The following C6orf89 variants were observed in gnomAD, a reference collection of about 807,000 sequenced individuals.
C6orf89 encodes chromosome 6 open reading frame 89.
A neutral mutation model predicts 40.7 loss-of-function variants in C6orf89; 29 were observed. The ratio of observed to expected loss-of-function variants is 0.71; its 90% confidence interval spans 0.53 to 0.97. The LOEUF is 0.97. C6orf89 is among the 50% of genes least tolerant of loss of function. C6orf89 has a pLI of 0.00. For synonymous variants in C6orf89, 165 were observed against 152.2 expected, an observed-to-expected ratio of 1.08 and a Z score of -0.62; for missense variants, 392 against 429.1, an observed-to-expected ratio of 0.91 and a Z score of 0.76.
upstream of C6orf89, chr6:36,885,920 G>C: frequency 9.5e-7 from 1 of 1,057,878 alleles, no homozygotes; most frequent in South Asian, 3.0e-5. Context: ...CCCAGGAGTG[G>C]GGGGTTGCTT....
Position 36,885,990 on chromosome 6 carries a change from C to G in C6orf89, c.-158C>G. ...TCCTCCTCGCCCGGCGGCAGCTGTC[C>G]CCGAGGCGGGAGGAGCCCGAGGGGC... is the stretch of plus-strand genomic sequence containing the variant. On this transcript the variant is annotated 5_prime_UTR_variant, in exon 1 of 9. Transcript: ENST00000480824. 2 of 1,196,008 alleles carry G rather than the reference C, an allele frequency of 1.7e-6. No homozygotes were observed. The highest frequency in any genetic ancestry group is 3.4e-5 in the East Asian group (1 of 29,520). 74.1% of individuals were successfully genotyped at this position (1,196,008 alleles called of 1,614,324 possible). A position where few individuals can be genotyped will look rare whatever the true frequency, so the allele number is the denominator to read the frequency against.
chr6:36,920,836 GT>G (rs1053151764), intron 8 of C6orf89, among the ~76,000 whole-genome samples: 1 of 152,220 alleles, frequency 6.6e-6, no homozygotes, highest in Admixed American at 6.5e-5. Context: ...GGAGCATGTG[GT>G]TGTGCTTGAA....
intron 2 of C6orf89, among the ~76,000 whole-genome samples, chr6:36,880,201 T>G (rs1176287255): frequency 6.6e-6 from 1 of 152,188 alleles, no homozygotes; most frequent in Non-Finnish European, 1.5e-5. Flanking sequence ...TAAAAGGACT[T>G]TATTAAAGAG....
rs78606960 is a variant in C6orf89 at position 36,872,226 on chromosome 6, A to G, written c.-628+259A>G. Among the ~76,000 whole-genome samples, 535 of 152,070 alleles carry G rather than the reference A, an allele frequency of 3.5e-3. 31 individuals are homozygous for G. The East Asian group carries it at 0.095, about 27-fold the overall frequency. On this transcript the variant is annotated intron_variant, in intron 1 of 9. Transcript: ENST00000359359. ...CCTAAATTAGGAAAAAAATTCTTAC[A>G]CTTAATTTTTAATTTTTTAAAAAAA...
intron 2 of C6orf89, among the ~76,000 whole-genome samples, chr6:36,897,680 A>T (rs1046900517): frequency 3.3e-5 from 5 of 152,234 alleles, no homozygotes; most frequent in Non-Finnish European, 7.3e-5. Context: ...GGTGATTCTA[A>T]TGTGCAAGCC....
chr6:36,901,659 T>A (rs918738757), intron 3 of C6orf89, among the ~76,000 whole-genome samples: 2 of 143,314 alleles, frequency 1.4e-5, no homozygotes, highest in Admixed American at 7.1e-5. Context: ...TATTATTATT[T>A]TTATTTATTT....
chr6:36,891,447 A>T (rs183805564), intron 1 of C6orf89, among the ~76,000 whole-genome samples: 15 of 152,348 alleles, frequency 9.8e-5, no homozygotes, highest in African/African-American at 3.6e-4. Context: ...TAGTGCCACA[A>T]TAAACATATG....
At chr6:36,897,574 T>C (rs999851587) in intron 2 of C6orf89, among the ~76,000 whole-genome samples, 2 of 152,214 alleles carry the variant, frequency 1.3e-5, no homozygotes, top group South Asian at 4.1e-4. Flanking sequence ...GAAGTCTAGA[T>C]TGCATGCCTT....
intron 1 of C6orf89, among the ~76,000 whole-genome samples, chr6:36,878,807 C>T (rs1030359170): frequency 2.0e-5 from 3 of 152,174 alleles, no homozygotes; most frequent in Non-Finnish European, 4.4e-5. Context: ...TGAGCTTTAA[C>T]CAATCTCGCT....
At chr6:36,907,669 C>T (rs1761976964) in intron 4 of C6orf89, among the ~76,000 whole-genome samples, 1 of 141,148 alleles carries the variant, frequency 7.1e-6, no homozygotes, top group Non-Finnish European at 1.5e-5. Context: ...CTCTGTCATA[C>T]CTTTAAAAAA....
At chr6:36,903,183 C>T (rs1361546469) in intron 4 of C6orf89, among the ~76,000 whole-genome samples, 2 of 151,972 alleles carry the variant, frequency 1.3e-5, no homozygotes, top group African/African-American at 4.8e-5. Flanking sequence ...CCCAGGAGTT[C>T]AAGACCAGCC....
At chr6:36,885,881 G>T, upstream of C6orf89, 1 of 617,988 alleles carries the variant, frequency 1.6e-6, no homozygotes, top group East Asian at 3.5e-5. Flanking sequence ...TGGACGAGAG[G>T]AGGAATTACT....
chr6:36,919,436 T>G, intron 7 of C6orf89, 142 bp from the exon 8 acceptor site: 31 of 1,022,066 alleles, frequency 3.0e-5, no homozygotes, highest in Non-Finnish European at 4.2e-5. Flanking sequence ...AATTGCAAAT[T>G]TTTGTTATTG....
Position 36,906,444 on chromosome 6 carries a change from T to C in C6orf89, c.403+4010T>C, listed in dbSNP as rs372062146. 2.6e-5 allele frequency among the ~76,000 whole-genome samples: 4 copies of C among 152,370 alleles called. No individual in the cohort carries two copies. In the East Asian group the frequency reaches 5.8e-4, roughly 22 times the overall value. On this transcript the variant is annotated intron_variant, in intron 4 of 8. Transcript: ENST00000480824. ...ATGTTCATTTCAAAGATGAGGAAAC[T>C]GATGTGCAAGGGGATTGACTGACTT...
At chr6:36,918,292 C>T (rs9462246) in intron 7 of C6orf89, among the ~76,000 whole-genome samples, 3,610 of 152,346 alleles carry the variant, frequency 0.024, 116 homozygotes, top group African/African-American at 0.08. Context: ...AATGGATGAA[C>T]ATGACCCTGC....
rs764265156 is a variant in C6orf89 at position 36,899,414 on chromosome 6, C to T, written c.-19-12C>T. The stretch of plus-strand genomic sequence containing the variant: ...TTTCTTTTTACATTTATTTTCTCTC[C>T]GTCTCTCTCAGGGATTTTATATTGG... On this transcript the variant is annotated splice_polypyrimidine_tract_variant and intron_variant, in intron 2 of 8. Coordinates refer to ENST00000480824, the MANE Select transcript of C6orf89 (RefSeq NM_001286635.2). 8.1e-6 allele frequency: 13 copies of T among 1,611,656 alleles called. No individual in the cohort carries two copies. The East Asian group carries it at 2.5e-4, about 30-fold the overall frequency.
rs1440249413 is a variant in C6orf89, at chr6:36,878,105, G to C, written c.-627-903G>C. On this transcript the variant is annotated intron_variant, in intron 1 of 9. Coordinates refer to the C6orf89 transcript ENST00000359359. ...TAGAACTTATCTTGGTGTATGGTATGAGGTAGGAGCCAAGTTTCATTTTTT... is the reference window on the plus strand; with the variant it reads ...TAGAACTTATCTTGGTGTATGGTATCAGGTAGGAGCCAAGTTTCATTTTTT... Among the ~76,000 whole-genome samples, 3 of 152,304 alleles carry C rather than the reference G, an allele frequency of 2.0e-5. No individual in the cohort carries two copies. The South Asian group carries it at 6.2e-4, about 32-fold the overall frequency.
chr6:36,919,516 C>T, intron 7 of C6orf89, 62 bp from the exon 8 acceptor site: 2 of 1,556,400 alleles, frequency 1.3e-6, no homozygotes, highest in East Asian at 2.3e-5. Context: ...TTTACTAAAC[C>T]CCCTGGTTTT....
chr6:36,914,546 T>C lies in C6orf89; in HGVS notation c.556-8T>C. 1.2e-6 allele frequency: 2 copies of C among 1,613,864 alleles called. No homozygotes were observed. The highest frequency in any genetic ancestry group is 1.7e-6 in the Non-Finnish European group (2 of 1,179,756). ...GTGTTGTTTTGTTTTGTTTCCTGCCTTGCCAAGACGGGAAAGCCCCTGTTG... is the reference window on the plus strand; with the variant it reads ...GTGTTGTTTTGTTTTGTTTCCTGCCCTGCCAAGACGGGAAAGCCCCTGTTG... On this transcript the variant is annotated splice_region_variant and splice_polypyrimidine_tract_variant and intron_variant, in intron 5 of 8. Transcript: ENST00000480824.
Sources: gnomAD v4.1 joint callset for allele counts (sites outside exome capture counted in the v4.1 genomes callset) on GRCh38, gnomAD v4.1.1 for gene constraint, MANE v1.5 for transcripts, NCBI Gene and HGNC (gene_info 2026-07-23, HGNC 2026-07-21) for gene names.